TMEM131L: variants seen among roughly 807,000 people sequenced by gnomAD.
TMEM131L encodes the protein transmembrane protein 131-like.
In TMEM131L, 54 loss-of-function variants were observed where a neutral mutation model predicts 192.2. The observed-to-expected ratio is 0.28, with a 90% CI of 0.23 to 0.35. The LOEUF (loss-of-function observed/expected upper bound fraction) is 0.35. TMEM131L is among the 10% of genes least tolerant of loss of function. TMEM131L has a pLI of 1.00. For synonymous variants in TMEM131L, 701 were observed against 704.9 expected (o/e 0.99, Z 0.09); for missense variants, 1,888 against 1,972.9 (o/e 0.96, Z 0.82).
rs766440917 is a variant in TMEM131L, at chr4:153,612,318, C to T, written c.3485C>T (p.Thr1162Ile). The change falls in exon 26 of 35, where the codon ACA becomes ATA. Residue 1162 changes from threonine to isoleucine, a missense_variant. Coordinates refer to ENST00000409959, the MANE Select transcript of TMEM131L (RefSeq NM_001131007.2). ...DHCENLKKVDTKPSSEKKIHK... is the reference protein window; with the variant it reads ...DHCENLKKVDIKPSSEKKIHK... ...TGTGAAAATTTGAAGAAGGTGGACA[C>T]AAAGCCTTCTTCAGAAAAGAAGATT... 1 of 1,598,568 alleles carries T rather than the reference C, an allele frequency of 6.3e-7. No homozygotes were observed. The highest frequency in any genetic ancestry group is 1.2e-5 in the South Asian group (1 of 85,792).
intron 19 of TMEM131L, 47 bp downstream of exon 19, chr4:153,593,918 C>T (rs766668549): frequency 9.6e-6 from 12 of 1,247,680 alleles, no homozygotes; most frequent in African/African-American, 1.5e-5. Flanking sequence ...ACAAACTAGA[C>T]ACATGAGCAT....
At chr4:153,524,857 A>G (rs1375102947) in intron 3 of TMEM131L, among the ~76,000 whole-genome samples, 1 of 152,190 alleles carries the variant, frequency 6.6e-6, no homozygotes, top group Non-Finnish European at 1.5e-5. Flanking sequence ...CAGTGTCGCC[A>G]TTGCTGTGAT....
rs1451965051 is a variant in TMEM131L at position 153,608,434 on chromosome 4, AC to A, written c.3419-3816del. Among the ~76,000 whole-genome samples the A allele has an allele frequency of 3.3e-5, 5 of 152,192 alleles. 1 individual carries two copies. Among genetic ancestry groups the A allele is most frequent in the African/African-American group, 1.2e-4 (5 of 41,444 alleles). ...ATATAGCTCTTTTTAAATGTTTGTAACCATTTTCACTGTCTGATCAAAATAA... is the reference window on the plus strand; with the variant it reads ...ATATAGCTCTTTTTAAATGTTTGTAACATTTTCACTGTCTGATCAAAATAA... On this transcript the variant is annotated intron_variant, in intron 25 of 34. Coordinates refer to ENST00000409959, the MANE Select transcript of TMEM131L (RefSeq NM_001131007.2).
rs1265368560 is a variant in TMEM131L at position 153,589,098 on chromosome 4, C to T, written c.1670+91C>T. 2.0e-5 allele frequency: 14 copies of T among 692,650 alleles called. 1 individual carries two copies. The highest frequency in any genetic ancestry group is 5.9e-4 in the Middle Eastern group (2 of 3,384). 42.9% of individuals were successfully genotyped at this position (692,650 alleles called of 1,614,324 possible). On this transcript the variant is annotated intron_variant, in intron 16 of 34. Transcript: ENST00000409959. ...ACCTGCGGGGACACATTCTAAGACC[C>T]CCCTCTCACCCCACCGTAGATGCCT...
At chr4:153,526,813 T>C (rs1490257749) in intron 3 of TMEM131L, among the ~76,000 whole-genome samples, 1 of 151,854 alleles carries the variant, frequency 6.6e-6, no homozygotes, top group Non-Finnish European at 1.5e-5. Context: ...TGTTGTGAAA[T>C]GTGCTATAAC....
rs367812835 is a variant in TMEM131L at position 153,583,586 on chromosome 4, G to C, written c.974G>C (p.Arg325Thr). ...CAGGATATACGCCATTTCTCACAGAGAGATGCTCTGTCTCTGCAGTTTGAA... is the reference window on the plus strand; with the variant it reads ...CAGGATATACGCCATTTCTCACAGACAGATGCTCTGTCTCTGCAGTTTGAA... ...WIQDIRHFSQ[R>T]DALSLQFEPV... Residue 325 changes from arginine to threonine, a missense_variant, in exon 11 of 35, where the codon AGA becomes ACA. Arg to Thr is a moderately conservative substitution (Grantham distance 71, BLOSUM62 -1). Transcript: ENST00000409959. 193 of 1,610,934 alleles carry C rather than the reference G, an allele frequency of 1.2e-4. No homozygotes were observed. Among genetic ancestry groups the C allele is most frequent in the Non-Finnish European group, 1.6e-4 (183 of 1,178,252 alleles).
chr4:153,568,950 G>A (rs1729406302), intron 7 of TMEM131L, among the ~76,000 whole-genome samples: 1 of 152,174 alleles, frequency 6.6e-6, no homozygotes, highest in African/African-American at 2.4e-5. Context: ...AGACTTTGGG[G>A]TGGCCCACTG....
intron 17 of TMEM131L, 132 bp downstream of exon 17, chr4:153,591,326 G>A: frequency 7.8e-6 from 6 of 765,542 alleles, no homozygotes; most frequent in Non-Finnish European, 7.9e-6. Flanking sequence ...AGAACTAGAT[G>A]AGCAGTAAAA....
chr4:153,536,632 TG>T (rs1322270876), intron 3 of TMEM131L, among the ~76,000 whole-genome samples: 1 of 152,208 alleles, frequency 6.6e-6, no homozygotes, highest in Non-Finnish European at 1.5e-5. Context: ...AGGGGGTCTG[TG>T]TCAGTCAGAT....
At chr4:153,484,201 T>C (rs1732144487) in intron 3 of TMEM131L, among the ~76,000 whole-genome samples, 1 of 152,190 alleles carries the variant, frequency 6.6e-6, no homozygotes, top group Non-Finnish European at 1.5e-5. Context: ...GACCCTGAAG[T>C]AAATAGTAAT....
intron 3 of TMEM131L, among the ~76,000 whole-genome samples, chr4:153,484,631 G>A (rs1732184678): frequency 6.7e-6 from 1 of 149,476 alleles, no homozygotes; most frequent in South Asian, 2.1e-4. Context: ...ACCACGCCCA[G>A]CTAATTTTTT....
chr4:153,533,274 C>T (rs774622238), intron 3 of TMEM131L, among the ~76,000 whole-genome samples: 2 of 152,128 alleles, frequency 1.3e-5, no homozygotes, highest in African/African-American at 2.4e-5. Flanking sequence ...CGTAAGCTAC[C>T]GCACCCAGCC....
At chr4:153,528,623 A>G (rs1735668442) in intron 3 of TMEM131L, among the ~76,000 whole-genome samples, 1 of 152,224 alleles carries the variant, frequency 6.6e-6, no homozygotes, top group Non-Finnish European at 1.5e-5. Flanking sequence ...TCCCTAAAAT[A>G]ACAGAACCTG....
intron 25 of TMEM131L, among the ~76,000 whole-genome samples, chr4:153,605,801 G>A (rs567655819): frequency 4.6e-5 from 7 of 152,296 alleles, no homozygotes; most frequent in Admixed American, 2.0e-4. Context: ...CTTCTGATGA[G>A]CTTTTATGCA....
At chr4:153,530,090 C>CA (rs1356158855) in intron 3 of TMEM131L, among the ~76,000 whole-genome samples, 1 of 149,472 alleles carries the variant, frequency 6.7e-6, no homozygotes, top group Non-Finnish European at 1.5e-5. Context: ...TCCTTGTAGT[C>CA]AGGGTCTGTG....
chr4:153,544,386 C>T (rs1227950268), intron 3 of TMEM131L, among the ~76,000 whole-genome samples: 1 of 152,220 alleles, frequency 6.6e-6, no homozygotes, highest in Non-Finnish European at 1.5e-5. Context: ...ACATCCACAG[C>T]ACGTCACCTG....
intron 23 of TMEM131L, 71 bp from the exon 24 acceptor site, chr4:153,603,232 T>G (rs1268429704): frequency 1.1e-5 from 15 of 1,323,732 alleles, no homozygotes; most frequent in Non-Finnish European, 1.5e-5. Context: ...CCCACTCTTC[T>G]GTAATGAAAC....
At chr4:153,477,096 G>A (rs1731594445) in intron 3 of TMEM131L, among the ~76,000 whole-genome samples, 1 of 152,120 alleles carries the variant, frequency 6.6e-6, no homozygotes, top group Non-Finnish European at 1.5e-5. Flanking sequence ...TCTTGAGGCG[G>A]GACAGATCCT....
intron 3 of TMEM131L, among the ~76,000 whole-genome samples, chr4:153,504,884 G>A (rs1344768013): frequency 6.6e-6 from 1 of 152,136 alleles, no homozygotes; most frequent in Non-Finnish European, 1.5e-5. Context: ...ATCTCAGCTT[G>A]TTTTTTCAGA....
Sources: allele counts gnomAD v4.1 joint callset (sites outside exome capture counted in the v4.1 genomes callset), GRCh38; gene constraint gnomAD v4.1.1; transcripts MANE v1.5; gene names NCBI Gene and HGNC (gene_info 2026-07-23, HGNC 2026-07-21).